Variants in GRM8 observed in about 807,000 individuals in gnomAD.
The protein encoded by GRM8 is glutamate metabotropic receptor 8.
GRM8 carries 47 observed loss-of-function variants against 87.2 expected under a neutral mutation model. The observed-to-expected ratio is 0.54, with a 90% CI of 0.43 to 0.69. The LOEUF (loss-of-function observed/expected upper bound fraction) is 0.69, where lower values mean the gene tolerates loss of function less well. GRM8 is among the 30% of genes least tolerant of loss of function. The probability of loss-of-function intolerance (pLI) is 0.00; values close to 1 mark genes in which losing one functional copy is unlikely to be tolerated. For missense variants in GRM8, 1,019 were observed against 1,139.2 expected (o/e 0.89, Z 1.52); for synonymous variants, 396 against 404.5 (o/e 0.98, Z 0.25).
At chr7:127,123,607 C>T (rs897269471) in intron 2 of GRM8, among the ~76,000 whole-genome samples, 1 of 152,104 alleles carries the variant, frequency 6.6e-6, no homozygotes, top group Non-Finnish European at 1.5e-5. Context: ...GCCAAATAAA[C>T]CTTTTTTCTT....
At chr7:126,683,949 C>T (rs939248947) in intron 7 of GRM8, among the ~76,000 whole-genome samples, 4 of 152,070 alleles carry the variant, frequency 2.6e-5, no homozygotes, top group African/African-American at 9.7e-5. Context: ...CCAAATAAAG[C>T]CAAAAAGGCA....
intron 9 of GRM8, among the ~76,000 whole-genome samples, chr7:126,446,939 T>G (rs1040896701): frequency 1.3e-5 from 2 of 151,884 alleles, no homozygotes; most frequent in African/African-American, 4.8e-5. Flanking sequence ...TAACAGTCCC[T>G]CTAAAGAACA....
intron 8 of GRM8, among the ~76,000 whole-genome samples, chr7:126,608,403 G>A (rs934802291): frequency 6.6e-6 from 1 of 152,184 alleles, no homozygotes; most frequent in Admixed American, 6.5e-5. Context: ...CCAGCCGAAA[G>A]AAACAGAACT....
intron 6 of GRM8, among the ~76,000 whole-genome samples, chr7:126,843,417 A>G (rs571398176): frequency 2.0e-5 from 3 of 152,356 alleles, no homozygotes; most frequent in African/African-American, 4.8e-5. Context: ...AAGAAATCCA[A>G]TTGAGATCCA....
chr7:126,855,775 C>T (rs1474445352), intron 6 of GRM8, among the ~76,000 whole-genome samples: 3 of 152,030 alleles, frequency 2.0e-5, no homozygotes, highest in Non-Finnish European at 2.9e-5. Context: ...ATGCCCGGCC[C>T]TCTTATGATT....
At chr7:126,756,982 G>A (rs1156325585) in intron 7 of GRM8, among the ~76,000 whole-genome samples, 1 of 152,042 alleles carries the variant, frequency 6.6e-6, no homozygotes, top group South Asian at 2.1e-4. Flanking sequence ...TATGGGTATT[G>A]TACTAAAATG....
intron 9 of GRM8, among the ~76,000 whole-genome samples, chr7:126,473,734 A>C (rs899718482): frequency 4.6e-5 from 7 of 152,166 alleles, no homozygotes; most frequent in African/African-American, 1.7e-4. Context: ...TAGCTCCCAC[A>C]GTCCCCATGT....
At chr7:126,558,245 C>A (rs916332983) in intron 8 of GRM8, among the ~76,000 whole-genome samples, 1 of 152,106 alleles carries the variant, frequency 6.6e-6, no homozygotes, top group African/African-American at 2.4e-5. Context: ...CAACTGTGTA[C>A]CAAGTATAGT....
intron 9 of GRM8, among the ~76,000 whole-genome samples, chr7:126,500,626 A>G (rs970176876): frequency 6.6e-6 from 1 of 152,050 alleles, no homozygotes; most frequent in African/African-American, 2.4e-5. Context: ...ACAATGCATG[A>G]AAAATATTCA....
At chr7:126,984,567 G>T (rs1377518311) in intron 3 of GRM8, among the ~76,000 whole-genome samples, 1 of 152,166 alleles carries the variant, frequency 6.6e-6, no homozygotes, top group Non-Finnish European at 1.5e-5. Flanking sequence ...TCAGCTTTGG[G>T]ACTCGGACTG....
chr7:127,015,066 A>AGAAGAAGAG lies in GRM8; in HGVS notation c.727+91429_727+91430insCTCTTCTTC, dbSNP rs1454124629. Among the ~76,000 whole-genome samples the AGAAGAAGAG allele has an allele frequency of 2.7e-3, 284 of 104,508 alleles. 5 individuals are homozygous for AGAAGAAGAG. Among genetic ancestry groups the AGAAGAAGAG allele is most frequent in the African/African-American group, 8.2e-3 (270 of 32,770 alleles). The allele number at this position is 104,508 out of a possible 152,430, so 68.6% of individuals were successfully genotyped here. On this transcript the variant is annotated intron_variant, in intron 3 of 10. Transcript: ENST00000339582. ...AAGAAGAAGAAGAAGAAGAAGAAGA[A>AGAAGAAGAG]GAAAGAAAGAAGGAGAAGAAGGAGA... is the stretch of plus-strand genomic sequence containing the variant.
chr7:126,905,883 T>C (rs1802622800), intron 3 of GRM8, among the ~76,000 whole-genome samples: 1 of 152,302 alleles, frequency 6.6e-6, no homozygotes, highest in East Asian at 1.9e-4. Flanking sequence ...GGAACATGTC[T>C]GGTGGAGGCC....
At chr7:127,170,268 T>C (rs1030407612) in intron 2 of GRM8, among the ~76,000 whole-genome samples, 6 of 151,958 alleles carry the variant, frequency 3.9e-5, no homozygotes, top group African/African-American at 7.3e-5. Context: ...ATCAGGGAAA[T>C]GCAAATCAAA....
At chr7:126,594,181 A>T (rs1413942088) in intron 8 of GRM8, among the ~76,000 whole-genome samples, 3 of 151,982 alleles carry the variant, frequency 2.0e-5, no homozygotes, top group Admixed American at 6.6e-5. Context: ...TAATATGAAG[A>T]TTCCTCAAAA....
At chr7:127,225,056 C>T (rs924908898) in intron 2 of GRM8, among the ~76,000 whole-genome samples, 2 of 152,166 alleles carry the variant, frequency 1.3e-5, no homozygotes, top group Non-Finnish European at 2.9e-5. Flanking sequence ...AAATTGGATT[C>T]TATAAAATGC....
rs535858446 is a variant in GRM8 at position 126,994,975 on chromosome 7, A to ACC, written c.728-90293_728-90292insGG. On this transcript the variant is annotated intron_variant, in intron 3 of 10. Transcript: ENST00000339582. Reference sequence around the variant, plus strand: ...GTGCTGGCTTCAGGTCTGACCTGGGATAGTCCCAGTGGTGGTGGCCACAGG... The same window carrying ACC: ...GTGCTGGCTTCAGGTCTGACCTGGGACCTAGTCCCAGTGGTGGTGGCCACAGG... Among the ~76,000 whole-genome samples the ACC allele has an allele frequency of 6.5e-3, 995 of 152,226 alleles. 5 individuals carry two copies. Among genetic ancestry groups the ACC allele is most frequent in the Non-Finnish European group, 0.011 (744 of 68,010 alleles).
intron 9 of GRM8, among the ~76,000 whole-genome samples, chr7:126,458,428 T>C (rs532457462): frequency 6.6e-6 from 1 of 151,304 alleles, no homozygotes; most frequent in South Asian, 2.1e-4. Flanking sequence ...GATATAATCA[T>C]TAAATTATGC....
chr7:126,858,989 C>A (rs187224120), intron 6 of GRM8, among the ~76,000 whole-genome samples: 94 of 152,170 alleles, frequency 6.2e-4, no homozygotes, highest in African/African-American at 2.1e-3. Context: ...CTCCACCCCC[C>A]ACCCCACACA....
intron 6 of GRM8, among the ~76,000 whole-genome samples, chr7:126,830,066 A>G (rs1311223231): frequency 6.6e-6 from 1 of 152,160 alleles, no homozygotes; most frequent in East Asian, 1.9e-4. Flanking sequence ...TTCTGCCGAG[A>G]GATCAGCTGT....
Sources: gnomAD v4.1 joint callset for allele counts (sites outside exome capture counted in the v4.1 genomes callset) on GRCh38, gnomAD v4.1.1 for gene constraint, MANE v1.5 for transcripts, NCBI Gene and HGNC (gene_info 2026-07-23, HGNC 2026-07-21) for gene names.